Variants in ARK2N observed in about 807,000 individuals in gnomAD.
ARK2N encodes protein ARK2N.
the ARK2N span, among the ~76,000 whole-genome samples, chr18:46,183,244 CA>C: frequency 6.6e-6 from 1 of 152,124 alleles, no homozygotes; most frequent in Non-Finnish European, 1.5e-5. Context: ...TTATTAGTTA[CA>C]AAAGAAGTTT....
chr18:46,209,403 G>T, the ARK2N span, among the ~76,000 whole-genome samples: 15 of 150,536 alleles, frequency 1.0e-4, no homozygotes, highest in African/African-American at 3.4e-4. Flanking sequence ...TTCTCTTCCA[G>T]ATTTTCACAA....
At chr18:46,245,158 C>G in the ARK2N span, among the ~76,000 whole-genome samples, 1 of 152,078 alleles carries the variant, frequency 6.6e-6, no homozygotes, top group Non-Finnish European at 1.5e-5. Context: ...TCTTGCCCTC[C>G]TGATCTCAAG....
the ARK2N span, among the ~76,000 whole-genome samples, chr18:46,185,022 A>G: frequency 1.3e-5 from 2 of 152,254 alleles, no homozygotes; most frequent in African/African-American, 4.8e-5. Flanking sequence ...TTATGTAGAA[A>G]GAAAAGGGAA....
chr18:46,257,470 G>A, the ARK2N span, among the ~76,000 whole-genome samples: 21 of 152,130 alleles, frequency 1.4e-4, no homozygotes, highest in South Asian at 2.1e-4. Flanking sequence ...ATGGTTGAAC[G>A]CATATTTTAT....
chr18:46,179,395 T>C, the ARK2N span, among the ~76,000 whole-genome samples: 1 of 152,214 alleles, frequency 6.6e-6, no homozygotes, highest in Non-Finnish European at 1.5e-5. Flanking sequence ...CATGATACTC[T>C]TCTGAATCCT....
the ARK2N span, among the ~76,000 whole-genome samples, chr18:46,208,466 T>A: frequency 4.1e-5 from 1 of 24,548 alleles, no homozygotes; most frequent in South Asian, 1.2e-3. Context: ...TCTTAAATCT[T>A]TTTTTTTTTT....
chr18:46,203,143 A>AT, the ARK2N span, among the ~76,000 whole-genome samples: 1 of 152,222 alleles, frequency 6.6e-6, no homozygotes, highest in Non-Finnish European at 1.5e-5. Context: ...TCCTGGGTAT[A>AT]TATACAACAG....
the ARK2N span, among the ~76,000 whole-genome samples, chr18:46,186,491 A>G: frequency 8.0e-3 from 1,099 of 138,020 alleles, 10 homozygotes; most frequent in African/African-American, 0.029. Flanking sequence ...ACCGCACCCA[A>G]CTGGTGATTT....
At chr18:46,216,620 T>G in the ARK2N span, 3 of 1,567,696 alleles carry the variant, frequency 1.9e-6, no homozygotes, top group Non-Finnish European at 2.6e-6. The surrounding 1 kb of genome is among the most constrained non-coding windows in gnomAD (Gnocchi z 4.3). Context: ...TTAAACTGAC[T>G]GTAAAGTACC....
the ARK2N span, among the ~76,000 whole-genome samples, chr18:46,213,347 A>T: frequency 6.6e-6 from 1 of 152,130 alleles, no homozygotes; most frequent in Non-Finnish European, 1.5e-5. Context: ...TCTCCATAAT[A>T]GAATTAACTC....
chr18:46,180,938 C>G, the ARK2N span, among the ~76,000 whole-genome samples: 1 of 152,086 alleles, frequency 6.6e-6, no homozygotes, highest in South Asian at 2.1e-4. Context: ...TTCTTGGTAT[C>G]TCTAAGCTTT....
chr18:46,246,076 C>A, the ARK2N span, among the ~76,000 whole-genome samples: 2 of 152,102 alleles, frequency 1.3e-5, no homozygotes, highest in Non-Finnish European at 2.9e-5. Context: ...ATGGTAATTG[C>A]GGTATTTACA....
At chr18:46,201,894 C>T in the ARK2N span, among the ~76,000 whole-genome samples, 1 of 151,784 alleles carries the variant, frequency 6.6e-6, no homozygotes, top group African/African-American at 2.4e-5. Flanking sequence ...TCTCCTCCTT[C>T]AGCCTCCTGA....
At chr18:46,184,174 T>G in the ARK2N span, among the ~76,000 whole-genome samples, 7 of 152,146 alleles carry the variant, frequency 4.6e-5, no homozygotes, top group Admixed American at 4.6e-4. Context: ...GTATTTTTAG[T>G]AGAGACGGGG....
chr18:46,198,099 C>G, the ARK2N span, among the ~76,000 whole-genome samples: 1 of 151,872 alleles, frequency 6.6e-6, no homozygotes, highest in African/African-American at 2.4e-5. Context: ...GTCGGGAGTT[C>G]AAAACCGGCC....
the ARK2N span, among the ~76,000 whole-genome samples, chr18:46,222,370 TATTA>T: frequency 2.6e-5 from 4 of 152,244 alleles, no homozygotes; most frequent in African/African-American, 9.6e-5. Context: ...CACAGTTCTA[TATTA>T]ATTAACAAGC....
At chr18:46,244,601 ATTTTT>A in the ARK2N span, among the ~76,000 whole-genome samples, 126 of 93,866 alleles carry the variant, frequency 1.3e-3, 1 homozygote, top group Middle Eastern at 8.8e-3. Flanking sequence ...AAGAGTTTAG[ATTTTT>A]TTTTTTTTTT....
At chr18:46,224,463 A>G in the ARK2N span, among the ~76,000 whole-genome samples, 2 of 152,220 alleles carry the variant, frequency 1.3e-5, no homozygotes, top group Non-Finnish European at 2.9e-5. Flanking sequence ...TGACAAAACA[A>G]CTTTTTAGAA....
the ARK2N span, among the ~76,000 whole-genome samples, chr18:46,237,233 T>G: frequency 0.012 from 1,876 of 152,214 alleles, 49 homozygotes; most frequent in African/African-American, 0.043. Context: ...TCAAGAGATA[T>G]TTCTTTTAAA....
Sources: gnomAD v4.1 joint callset for allele counts (sites outside exome capture counted in the v4.1 genomes callset) on GRCh38, gnomAD v4.1.1 for gene constraint, Gnocchi (gnomAD v3.1) non-coding constraint, MANE v1.5 for transcripts, NCBI Gene and HGNC (gene_info 2026-07-23, HGNC 2026-07-21) for gene names.